The following CHD2 variants were observed in gnomAD, a reference collection of about 807,000 sequenced individuals.
CHD2 encodes chromodomain helicase DNA binding protein 2, also known as ATP-dependent chromatin remodeler CHD2.
CHD2 carries 28 observed loss-of-function variants against 243.9 expected under a neutral mutation model. That is an observed-to-expected ratio of 0.11 (90% CI 0.09 to 0.16). The LOEUF (loss-of-function observed/expected upper bound fraction) is 0.16. CHD2 is among the 10% of genes least tolerant of loss of function. The pLI, the probability that CHD2 is intolerant of heterozygous loss-of-function variation, is 1.00. For missense variants in CHD2, 1,386 were observed against 2,209.8 expected, an observed-to-expected ratio of 0.63 and a Z score of 7.47; for synonymous variants, 775 against 779.0, an observed-to-expected ratio of 0.99 and a Z score of 0.09.
At chr15:92,906,571 C>A (rs2052624803) in intron 2 of CHD2, among the ~76,000 whole-genome samples, 3 of 152,032 alleles carry the variant, frequency 2.0e-5, no homozygotes, top group African/African-American at 7.2e-5. Context: ...TATCATTTCT[C>A]CCATAAAATT....
chr15:92,901,556 C>A (rs983723951), intron 2 of CHD2: 1 of 514,954 alleles, frequency 1.9e-6, no homozygotes, highest in Non-Finnish European at 3.4e-6. Context: ...TTCAAAGGGG[C>A]CTTTACTGTA....
chr15:92,995,224 C>T (rs1171511087), intron 28 of CHD2, among the ~76,000 whole-genome samples: 1 of 152,092 alleles, frequency 6.6e-6, no homozygotes, highest in Non-Finnish European at 1.5e-5. Flanking sequence ...TTAATGCCAC[C>T]ACCTTAATAT....
At position 92,997,304 on chromosome 15, in the gene CHD2, G is replaced by T. The variant is rs1440327194; in HGVS notation, c.3786G>T (p.Gly1262=). ...CTGCACATTTTGATGTAGAGTGGGG[G>T]GTGGAAGATGATTCTCGCCTGTTGC... ...VKAAHFDVEW[G]VEDDSRLLLG... Residue 1262 remains glycine (G), a synonymous_variant, in exon 30 of 39, where the codon GGG becomes GGT. Transcript: ENST00000394196. The surrounding 1 kb of genome is among the most constrained non-coding windows in gnomAD (Gnocchi z 4.1). 2 of 1,613,822 alleles carry T rather than the reference G, an allele frequency of 1.2e-6. No individual in the cohort carries two copies. The highest frequency in any genetic ancestry group is 4.5e-5 in the East Asian group (2 of 44,872).
Position 92,941,798 on chromosome 15 carries a change from TATTC to T in CHD2, c.693-22_693-19del, listed in dbSNP as rs772859525. 6.2e-7 allele frequency: 1 copy of T among 1,609,428 alleles called. No individual in the cohort carries two copies. The highest frequency in any genetic ancestry group is 2.2e-5 in the East Asian group (1 of 44,652). Reference sequence around the variant, plus strand: ...AATTCTGAAGAGATCATTTCTCATTTATTCAGCATTATTCCTCTTGCAGTTACAA... The same window carrying T: ...AATTCTGAAGAGATCATTTCTCATTTAGCATTATTCCTCTTGCAGTTACAA... On this transcript the variant is annotated intron_variant, in intron 7 of 38. Transcript: ENST00000394196.
chr15:92,910,855 CTTGTAG>C (rs2052720227), intron 2 of CHD2, among the ~76,000 whole-genome samples: 1 of 152,182 alleles, frequency 6.6e-6, no homozygotes, highest in South Asian at 2.1e-4. Flanking sequence ...GTTAGGTGAT[CTTGTAG>C]TTGTATGAAC....
At position 92,997,428 on chromosome 15, in the gene CHD2, AT is replaced by A. The variant is rs764587522; in HGVS notation, c.3885+28del. Reference sequence around the variant, plus strand: ...AGTAAGTAACCCTACCATGCTAGAGATTTCTAGAAGATTTGTTGTGTAATAT... The same window carrying A: ...AGTAAGTAACCCTACCATGCTAGAGATTCTAGAAGATTTGTTGTGTAATAT... On this transcript the variant is annotated intron_variant, in intron 30 of 38. Coordinates refer to ENST00000394196, the MANE Select transcript of CHD2 (RefSeq NM_001271.4). The surrounding 1 kb of genome is among the most constrained non-coding windows in gnomAD (Gnocchi z 4.1). 2.0e-6 allele frequency: 3 copies of A among 1,521,002 alleles called. No homozygotes were observed. Among genetic ancestry groups the A allele is most frequent in the African/African-American group, 1.4e-5 (1 of 71,212 alleles). 94.2% of individuals were successfully genotyped at this position (1,521,002 alleles called of 1,614,324 possible).
intron 37 of CHD2, among the ~76,000 whole-genome samples, chr15:93,016,582 TAAA>T (rs35369249): frequency 6.6e-6 from 1 of 152,074 alleles, no homozygotes; most frequent in Non-Finnish European, 1.5e-5. Flanking sequence ...AATTGTCTAT[TAAA>T]AAATTTGTAC....
intron 36 of CHD2, among the ~76,000 whole-genome samples, chr15:93,013,631 C>T (rs1289772173): frequency 2.0e-5 from 3 of 152,100 alleles, no homozygotes; most frequent in Non-Finnish European, 2.9e-5. Flanking sequence ...GGAAGCCCAA[C>T]AGTAAGAAAT....
intron 35 of CHD2, among the ~76,000 whole-genome samples, chr15:93,009,970 G>A (rs2054369598): frequency 6.6e-6 from 1 of 152,154 alleles, no homozygotes; most frequent in African/African-American, 2.4e-5. Flanking sequence ...AGATTTTGGT[G>A]CACCCATCAC....
chr15:93,006,786 A>G (rs1012988508), intron 34 of CHD2, among the ~76,000 whole-genome samples: 2 of 152,228 alleles, frequency 1.3e-5, no homozygotes, highest in African/African-American at 4.8e-5. Context: ...ATTGATTTCC[A>G]TGTCTTAAAA....
intron 16 of CHD2, among the ~76,000 whole-genome samples, chr15:92,961,670 C>G (rs998965231): frequency 5.3e-5 from 8 of 152,132 alleles, no homozygotes; most frequent in African/African-American, 1.9e-4. Flanking sequence ...CCTCTGTTTC[C>G]TAAAATGCTG....
Position 93,027,280 on chromosome 15 carries a change from A to C in CHD2, c.*2575A>C, listed in dbSNP as rs1431654456. ...AATCTGTGAGGATGGTATTCCCTGG[A>C]GTCTGGCTTTGAAAGATTTCATTGT... On this transcript the variant is annotated 3_prime_UTR_variant, in exon 39 of 39. Transcript: ENST00000394196. The C allele has an allele frequency of 6.6e-6, 1 of 152,354 alleles. No homozygotes were observed. The highest frequency in any genetic ancestry group is 1.5e-5 in the Non-Finnish European group (1 of 68,044). The allele number at this position is 152,354 out of a possible 1,614,324, so 9.4% of individuals were successfully genotyped here. A position where few individuals can be genotyped will look rare whatever the true frequency, so the allele number is the denominator to read the frequency against.
intron 22 of CHD2, among the ~76,000 whole-genome samples, chr15:92,980,236 T>G: frequency 6.6e-6 from 1 of 150,578 alleles, no homozygotes; most frequent in Admixed American, 6.6e-5. Context: ...TTTTTTTTTT[T>G]TTTTAGTAGA....
At position 92,984,440 on chromosome 15, in the gene CHD2, G is replaced by A. The variant is rs764787401; in HGVS notation, c.3177G>A (p.Glu1059=). The stretch of plus-strand genomic sequence containing the variant: ...AAAGGAAAAAAGTAGAGGAGGAAGA[G>A]CGGCAGAAGGAGCTAGAAGAAATTT... The part of the protein sequence containing the change: ...EEQRKKVEEE[E]RQKELEEIYM... Residue 1059 remains glutamate (E), a synonymous_variant, in exon 25 of 39, where the codon GAG becomes GAA. Transcript: ENST00000394196. 7.4e-6 allele frequency: 12 copies of A among 1,612,780 alleles called. No individual in the cohort carries two copies. Among genetic ancestry groups the A allele is most frequent in the Non-Finnish European group, 1.0e-5 (12 of 1,179,344 alleles).
chr15:92,993,226 G>T (rs1567155896), intron 28 of CHD2: 5 of 419,410 alleles, frequency 1.2e-5, no homozygotes, highest in Admixed American at 3.8e-5. Flanking sequence ...AGATGAAATG[G>T]TTTTTTTTTG....
intron 38 of CHD2, chr15:93,020,589 C>T (rs942575454): frequency 2.6e-5 from 13 of 509,430 alleles, no homozygotes; most frequent in Middle Eastern, 5.0e-4. Flanking sequence ...TCAGGGATCC[C>T]GAGATGGGTA....
chr15:92,971,813 C>A lies in CHD2; in HGVS notation c.2238C>A (p.Gly746=), dbSNP rs2053845998. 1 of 1,613,734 alleles carries A rather than the reference C, an allele frequency of 6.2e-7. No individual in the cohort carries two copies. The highest frequency in any genetic ancestry group is 1.3e-5 in the African/African-American group (1 of 74,962). ...AGGCTCTTGCCAAAGGAACAAGAGG[C>A]AGCACATCTGGTTTTCTTAATATTG... is the stretch of plus-strand genomic sequence containing the variant. ...NYKALAKGTR[G]STSGFLNIVM... is the part of the protein sequence containing the mutation. The change falls in exon 18 of 39, where the codon GGC becomes GGA. Residue 746 remains glycine, a synonymous_variant. Transcript: ENST00000394196.
intron 17 of CHD2, among the ~76,000 whole-genome samples, chr15:92,968,358 T>C (rs1442540455): frequency 6.6e-6 from 1 of 152,144 alleles, no homozygotes; most frequent in East Asian, 1.9e-4. Flanking sequence ...TCCATCTCTA[T>C]AAAAATAAAA....
Position 92,946,187 on chromosome 15 carries a change from T to C in CHD2, c.1348T>C (p.Ser450Pro). The C allele has an allele frequency of 1.9e-6, 3 of 1,611,990 alleles. No homozygotes were observed. The highest frequency in any genetic ancestry group is 2.5e-6 in the Non-Finnish European group (3 of 1,179,058). Residue 450 changes from serine to proline, a missense_variant, in exon 12 of 39, where the codon TCA becomes CCA. Transcript: ENST00000394196. Reference sequence around the variant, plus strand: ...TGACAGCTTCCACAGTAGGAACAACTCAAAAACCATCCCAACAAGAGAATG... The same window carrying C: ...TGACAGCTTCCACAGTAGGAACAACCCAAAAACCATCCCAACAAGAGAATG... ...CIDSFHSRNNSKTIPTRECKA... is the reference protein window; with the variant it reads ...CIDSFHSRNNPKTIPTRECKA...
Sources: gnomAD v4.1 joint callset for allele counts (sites outside exome capture counted in the v4.1 genomes callset) on GRCh38, gnomAD v4.1.1 for gene constraint, Gnocchi (gnomAD v3.1) non-coding constraint, MANE v1.5 for transcripts, NCBI Gene and HGNC (gene_info 2026-07-23, HGNC 2026-07-21) for gene names.